The following CCDC102B variants were observed in gnomAD, a reference collection of about 807,000 sequenced individuals.
CCDC102B encodes the protein coiled-coil domain-containing protein 102B.
In CCDC102B, 75 loss-of-function variants were observed where a neutral mutation model predicts 57.4. That is an observed-to-expected ratio of 1.31 (90% CI 1.08 to 1.58). CCDC102B has a LOEUF of 1.58. Among genes scored for constraint, CCDC102B ranks in the 40% most tolerant of loss-of-function variants. The pLI is 0.00. For synonymous variants in CCDC102B, 206 were observed against 201.9 expected (o/e 1.02, Z -0.17); for missense variants, 636 against 582.6 (o/e 1.09, Z -0.94).
At chr18:68,737,247 T>TGA (rs2033174236) in intron 2 of CCDC102B, among the ~76,000 whole-genome samples, 1 of 152,140 alleles carries the variant, frequency 6.6e-6, no homozygotes, top group African/African-American at 2.4e-5. Context: ...GGGACGCTCA[T>TGA]GTACACTTGT....
chr18:68,845,523 T>A (rs2037821644), intron 3 of CCDC102B, among the ~76,000 whole-genome samples: 1 of 151,804 alleles, frequency 6.6e-6, no homozygotes, highest in African/African-American at 2.4e-5. Context: ...AACAACTCTG[T>A]CCGTGGAAAT....
intron 6 of CCDC102B, among the ~76,000 whole-genome samples, chr18:68,982,592 A>G (rs2050620331): frequency 6.6e-6 from 1 of 151,960 alleles, no homozygotes. Flanking sequence ...TTTTCCAATC[A>G]TATGTCAGGG....
intron 1 of CCDC102B, among the ~76,000 whole-genome samples, chr18:68,815,248 AC>A (rs1197665048): frequency 2.0e-5 from 3 of 152,134 alleles, no homozygotes; most frequent in African/African-American, 7.2e-5. Flanking sequence ...TGATTTACAC[AC>A]ATACAAACAC....
intron 6 of CCDC102B, among the ~76,000 whole-genome samples, chr18:68,950,884 A>G (rs919204361): frequency 4.6e-5 from 7 of 152,292 alleles, no homozygotes; most frequent in South Asian, 2.1e-4. Flanking sequence ...AAACGTGACA[A>G]TGACAAACTG....
chr18:68,950,965 T>C (rs11874307), intron 6 of CCDC102B, among the ~76,000 whole-genome samples: 1,684 of 152,214 alleles, frequency 0.011, 30 homozygotes, highest in African/African-American at 0.039. Flanking sequence ...CATCATAAAG[T>C]GAAGATTCTT....
chr18:68,720,893 G>A (rs1012832891), intron 2 of CCDC102B, among the ~76,000 whole-genome samples: 2 of 152,094 alleles, frequency 1.3e-5, no homozygotes, highest in African/African-American at 4.8e-5. Context: ...GCAAACTAGC[G>A]AGCCCCCTGT....
intron 2 of CCDC102B, among the ~76,000 whole-genome samples, chr18:68,787,147 T>C (rs1236758960): frequency 6.6e-6 from 1 of 151,248 alleles, no homozygotes; most frequent in African/African-American, 2.5e-5. Flanking sequence ...TTTGCATATA[T>C]TGAACCAGCC....
At chr18:69,004,993 A>G (rs1179171028) in intron 6 of CCDC102B, among the ~76,000 whole-genome samples, 1 of 152,208 alleles carries the variant, frequency 6.6e-6, no homozygotes, top group Non-Finnish European at 1.5e-5. Context: ...TATGAATAAC[A>G]TTGAATTTAT....
At chr18:68,862,651 T>C (rs117512106) in intron 4 of CCDC102B, among the ~76,000 whole-genome samples, 1,583 of 152,242 alleles carry the variant, frequency 0.01, 29 homozygotes, top group East Asian at 0.074. Flanking sequence ...GATGACAGGT[T>C]CTGTTGGTGA....
In CCDC102B at chr18:68,927,087, G is replaced by T. The variant is rs552437474; in HGVS notation, c.1263+29659G>T. Among the ~76,000 whole-genome samples, 3 of 152,016 alleles carry T rather than the reference G, an allele frequency of 2.0e-5. No homozygotes were observed. The South Asian group carries it at 6.2e-4, about 31-fold the overall frequency. ...TCTACCTGGAAATATTTGAGTCTGT[G>T]GTAAATGGAGTAAGCATGTGTAACG... On this transcript the variant is annotated intron_variant, in intron 6 of 7. Coordinates refer to ENST00000360242, the MANE Select transcript of CCDC102B (RefSeq NM_024781.3).
At chr18:68,737,496 G>T (rs145185914) in intron 2 of CCDC102B, among the ~76,000 whole-genome samples, 1 of 151,862 alleles carries the variant, frequency 6.6e-6, no homozygotes, top group Middle Eastern at 3.2e-3. Flanking sequence ...GTGTATGTGT[G>T]TGTGTCTGTG....
At chr18:69,051,759 T>C (rs1273730331) in intron 7 of CCDC102B, among the ~76,000 whole-genome samples, 1 of 152,026 alleles carries the variant, frequency 6.6e-6, no homozygotes, top group Non-Finnish European at 1.5e-5. Flanking sequence ...TATGACAGAT[T>C]TGATATGTCA....
chr18:68,757,202 G>T lies in CCDC102B; in HGVS notation c.-67+40608G>T, dbSNP rs536847974. ...CCTGACATTTTAAAGAACATACTGT[G>T]CTTGCTTACGTAATAAAGATATGGT... is the stretch of plus-strand genomic sequence containing the variant. On this transcript the variant is annotated intron_variant, in intron 2 of 3. Transcript: ENST00000578970. Among the ~76,000 whole-genome samples the T allele has an allele frequency of 1.6e-4, 24 of 152,226 alleles. No homozygotes were observed. The South Asian group carries it at 5.0e-3, about 32-fold the overall frequency.
At chr18:68,797,744 G>C (rs1308699221), upstream of CCDC102B, among the ~76,000 whole-genome samples, 1 of 145,388 alleles carries the variant, frequency 6.9e-6, no homozygotes, top group East Asian at 2.0e-4. Flanking sequence ...TTTTCAGATA[G>C]GTACTTCCTG....
intron 2 of CCDC102B, among the ~76,000 whole-genome samples, chr18:68,784,572 T>G (rs2035124037): frequency 6.6e-6 from 1 of 152,194 alleles, no homozygotes. Flanking sequence ...TAGAAATTCA[T>G]ACCTTATAAT....
intron 1 of CCDC102B, among the ~76,000 whole-genome samples, chr18:68,812,852 C>G (rs2144716760): frequency 6.6e-6 from 1 of 152,148 alleles, no homozygotes; most frequent in Admixed American, 6.6e-5. Flanking sequence ...TTTTGGTAAT[C>G]CAAGGCAAAA....
At chr18:68,754,973 T>C (rs1175844967) in intron 2 of CCDC102B, 2 of 152,532 alleles carry the variant, frequency 1.3e-5, no homozygotes, top group African/African-American at 2.4e-5. Flanking sequence ...GCTCCAGAAC[T>C]GTGAGAAATA....
At chr18:69,021,815 A>G (rs2145421157) in intron 7 of CCDC102B, among the ~76,000 whole-genome samples, 1 of 152,330 alleles carries the variant, frequency 6.6e-6, no homozygotes, top group Middle Eastern at 3.4e-3. Flanking sequence ...ATCATAGACA[A>G]AAGTGAACAC....
intron 6 of CCDC102B, among the ~76,000 whole-genome samples, chr18:68,928,177 C>G (rs141194736): frequency 6.5e-4 from 99 of 152,006 alleles, no homozygotes; most frequent in African/African-American, 2.3e-3. Flanking sequence ...TTGGCTCACA[C>G]TAAGAACTCA....
Sources: gnomAD v4.1 joint callset for allele counts (sites outside exome capture counted in the v4.1 genomes callset) on GRCh38, gnomAD v4.1.1 for gene constraint, MANE v1.5 for transcripts, NCBI Gene and HGNC (gene_info 2026-07-23, HGNC 2026-07-21) for gene names.